The following AOPEP variants were observed in gnomAD, a reference collection of about 807,000 sequenced individuals.
AOPEP encodes the protein aminopeptidase O.
AOPEP carries 77 observed loss-of-function variants against 98.1 expected under a neutral mutation model. The observed-to-expected ratio is 0.78, with a 90% CI of 0.65 to 0.95. The LOEUF is 0.95. Among genes scored for constraint, AOPEP ranks in the 40% least tolerant of loss-of-function variants. The pLI is 0.00. For synonymous variants in AOPEP, 346 were observed against 365.3 expected (o/e 0.95, Z 0.60); for missense variants, 1,024 against 1,024.7 (o/e 1.00, Z 0.01).
rs531826943 is a variant in AOPEP at position 94,937,408 on chromosome 9, A to G, written c.1661+8877A>G. On this transcript the variant is annotated intron_variant, in intron 7 of 16. Transcript: ENST00000375315. ...GTATGTCTTAATCTGCTCTTCCTAA[A>G]GGACACTAGTCACATTGGAATAGGC... Among the ~76,000 whole-genome samples the G allele has an allele frequency of 6.7e-4, 102 of 152,328 alleles. 2 individuals are homozygous for G. The highest frequency in any genetic ancestry group is 2.3e-3 in the African/African-American group (97 of 41,576).
intron 5 of AOPEP, among the ~76,000 whole-genome samples, chr9:94,862,376 A>G (rs1014847903): frequency 2.0e-4 from 8 of 40,618 alleles, no homozygotes; most frequent in Non-Finnish European, 1.0e-3. Context: ...GATCTCTCAG[A>G]TGTGGGGTGA....
At chr9:94,947,602 G>C (rs903935550) in intron 7 of AOPEP, among the ~76,000 whole-genome samples, 2 of 152,150 alleles carry the variant, frequency 1.3e-5, no homozygotes, top group Non-Finnish European at 2.9e-5. Flanking sequence ...ACCATTCCAA[G>C]TCCCATGCAT....
chr9:95,139,893 CAAT>C, the AOPEP span, among the ~76,000 whole-genome samples: 1 of 145,482 alleles, frequency 6.9e-6, no homozygotes, highest in Non-Finnish European at 1.5e-5. Flanking sequence ...TTTAAAGGGA[CAAT>C]AAAGTAAAAA....
At chr9:95,124,804 G>A in the AOPEP span, among the ~76,000 whole-genome samples, 3 of 152,160 alleles carry the variant, frequency 2.0e-5, no homozygotes. Flanking sequence ...CACAACACAG[G>A]GCCAAGAAGA....
intron 5 of AOPEP, among the ~76,000 whole-genome samples, chr9:94,859,684 A>G (rs377543720): frequency 5.3e-5 from 8 of 152,300 alleles, no homozygotes; most frequent in African/African-American, 1.7e-4. Context: ...CTCTCAGCCT[A>G]TTCCATCCTG....
At chr9:95,118,145 A>G in the AOPEP span, among the ~76,000 whole-genome samples, 1 of 152,096 alleles carries the variant, frequency 6.6e-6, no homozygotes, top group South Asian at 2.1e-4. Context: ...CAGCCTCCTG[A>G]GTAGCCGGGA....
chr9:95,106,777 G>A, the AOPEP span, among the ~76,000 whole-genome samples: 2 of 152,322 alleles, frequency 1.3e-5, no homozygotes, highest in African/African-American at 4.8e-5. Flanking sequence ...AGAAATGTAC[G>A]TAGGGGGACA....
chr9:94,753,684 T>C (rs1836346069), intron 1 of AOPEP, among the ~76,000 whole-genome samples: 1 of 152,206 alleles, frequency 6.6e-6, no homozygotes, highest in Non-Finnish European at 1.5e-5. Flanking sequence ...ATTATATTTT[T>C]TAAATAGCCA....
chr9:94,927,857 G>C (rs1203874783), intron 6 of AOPEP, among the ~76,000 whole-genome samples: 1 of 152,214 alleles, frequency 6.6e-6, no homozygotes, highest in Admixed American at 6.5e-5. Flanking sequence ...GGGCCGTGTG[G>C]CCCAGTGAGC....
intron 5 of AOPEP, among the ~76,000 whole-genome samples, chr9:94,878,034 A>G (rs1449609568): frequency 6.6e-6 from 1 of 151,914 alleles, no homozygotes; most frequent in Non-Finnish European, 1.5e-5. Context: ...TTGTTTTCTG[A>G]TTTTTTGGCA....
chr9:94,959,104 C>T (rs147708378), intron 9 of AOPEP, among the ~76,000 whole-genome samples: 6 of 151,842 alleles, frequency 4.0e-5, no homozygotes, highest in Non-Finnish European at 5.9e-5. Flanking sequence ...AGTGCAGTGG[C>T]GCGGTCTCGG....
chr9:94,784,671 A>G (rs888891952), intron 3 of AOPEP, among the ~76,000 whole-genome samples: 3 of 152,214 alleles, frequency 2.0e-5, no homozygotes, highest in Non-Finnish European at 2.9e-5. Context: ...GCTGGAGTAC[A>G]GTGGTGCAAT....
chr9:95,096,639 C>A, the AOPEP span, among the ~76,000 whole-genome samples: 1 of 152,080 alleles, frequency 6.6e-6, no homozygotes, highest in Non-Finnish European at 1.5e-5. Context: ...AGGGCGCCCA[C>A]CAGGAGGGGG....
intron 14 of AOPEP, among the ~76,000 whole-genome samples, chr9:95,073,557 A>C (rs1321582014): frequency 4.8e-5 from 7 of 146,836 alleles, no homozygotes; most frequent in African/African-American, 1.3e-4. Context: ...GCAGTGGCTC[A>C]CACCTGTAAT....
intron 16 of AOPEP, chr9:95,086,159 G>C: frequency 7.5e-7 from 1 of 1,339,966 alleles, no homozygotes; most frequent in East Asian, 4.8e-5. Context: ...GCTCCCACTC[G>C]CGGCAGACAG....
intron 14 of AOPEP, among the ~76,000 whole-genome samples, chr9:95,063,431 G>A (rs1242433891): frequency 6.6e-6 from 1 of 152,084 alleles, no homozygotes; most frequent in Admixed American, 6.5e-5. Flanking sequence ...TCCACTGAGC[G>A]CTTTCAGATC....
At chr9:94,907,520 C>T (rs546155389) in intron 5 of AOPEP, among the ~76,000 whole-genome samples, 6 of 152,124 alleles carry the variant, frequency 3.9e-5, no homozygotes, top group African/African-American at 1.2e-4. Flanking sequence ...GGTTGTTTTC[C>T]GCGGGGAAAG....
intron 1 of AOPEP, among the ~76,000 whole-genome samples, chr9:94,735,142 A>G (rs1345707488): frequency 2.0e-5 from 3 of 152,216 alleles, no homozygotes; most frequent in Non-Finnish European, 4.4e-5. Flanking sequence ...TGGTTCAGAA[A>G]CACTAGATAC....
chr9:95,043,022 CAG>C (rs2065470969), intron 13 of AOPEP, among the ~76,000 whole-genome samples: 4 of 151,784 alleles, frequency 2.6e-5, no homozygotes, highest in Non-Finnish European at 5.9e-5. Flanking sequence ...CCTGTAATGT[CAG>C]CACTTTGGGA....
Sources: gnomAD v4.1 joint callset for allele counts (sites outside exome capture counted in the v4.1 genomes callset) on GRCh38, gnomAD v4.1.1 for gene constraint, MANE v1.5 for transcripts, NCBI Gene and HGNC (gene_info 2026-07-23, HGNC 2026-07-21) for gene names.